The following SPAG16 variants were observed in gnomAD, a reference collection of about 807,000 sequenced individuals.
SPAG16 encodes sperm associated antigen 16, also known as sperm-associated antigen 16 protein.
In SPAG16, 86 loss-of-function variants were observed where a neutral mutation model predicts 80.4. The ratio of observed to expected loss-of-function variants is 1.07; its 90% CI spans 0.90 to 1.28. The LOEUF (loss-of-function observed/expected upper bound fraction) is 1.28. Ranked by LOEUF, SPAG16 falls within the 50% of genes most tolerant of loss-of-function variation. The pLI, the probability that SPAG16 is intolerant of heterozygous loss-of-function variation, is 0.00. For synonymous variants in SPAG16, 294 were observed against 265.9 expected, an observed-to-expected ratio of 1.11 and a Z score of -1.03; for missense variants, 870 against 765.3, an observed-to-expected ratio of 1.14 and a Z score of -1.61.
At chr2:214,215,282 C>A (rs1388366505) in intron 15 of SPAG16, among the ~76,000 whole-genome samples, 2 of 152,042 alleles carry the variant, frequency 1.3e-5, no homozygotes, top group African/African-American at 4.8e-5. Context: ...GTTAACCAAC[C>A]TTCCTCAAGA....
chr2:214,085,388 AAAAAAGAAAG>A (rs1450837256), intron 13 of SPAG16, among the ~76,000 whole-genome samples: 1 of 151,264 alleles, frequency 6.6e-6, no homozygotes, highest in Non-Finnish European at 1.5e-5. Flanking sequence ...CAAAAAAAAA[AAAAAAGAAAG>A]AAAGAAAGAA....
At chr2:214,296,291 C>T (rs1030887563) in intron 15 of SPAG16, among the ~76,000 whole-genome samples, 1 of 152,086 alleles carries the variant, frequency 6.6e-6, no homozygotes, top group African/African-American at 2.4e-5. Context: ...TCCTATCATC[C>T]ATTGATGTGC....
At chr2:214,184,312 G>A (rs1224954623) in intron 15 of SPAG16, among the ~76,000 whole-genome samples, 1 of 151,976 alleles carries the variant, frequency 6.6e-6, no homozygotes, top group Non-Finnish European at 1.5e-5. Context: ...TCATATAAAT[G>A]TAAAGTTAGT....
At chr2:213,404,891 T>G (rs919440490) in intron 9 of SPAG16, among the ~76,000 whole-genome samples, 1 of 152,206 alleles carries the variant, frequency 6.6e-6, no homozygotes. Context: ...CTTATTTGTG[T>G]GTATACTTTT....
chr2:214,111,886 A>C (rs2053683136), intron 14 of SPAG16, among the ~76,000 whole-genome samples: 1 of 152,056 alleles, frequency 6.6e-6, no homozygotes, highest in Admixed American at 6.6e-5. Context: ...TTTTATAACT[A>C]TTGTGAATGG....
At chr2:213,439,137 C>G (rs935291345) in intron 9 of SPAG16, among the ~76,000 whole-genome samples, 2 of 152,212 alleles carry the variant, frequency 1.3e-5, no homozygotes, top group African/African-American at 4.8e-5. Flanking sequence ...AATTCCTACT[C>G]ACACTCCTGA....
intron 11 of SPAG16, among the ~76,000 whole-genome samples, chr2:213,893,160 A>G (rs1246318403): frequency 2.0e-5 from 3 of 152,198 alleles, no homozygotes; most frequent in Admixed American, 2.0e-4. Flanking sequence ...TGACATTTCT[A>G]CTAAAGTGCT....
intron 12 of SPAG16, among the ~76,000 whole-genome samples, chr2:213,953,037 C>T (rs1290124994): frequency 6.6e-6 from 1 of 151,936 alleles, no homozygotes; most frequent in Non-Finnish European, 1.5e-5. Flanking sequence ...CATATAATTG[C>T]TTTCTACTAG....
chr2:213,582,142 A>G (rs1252853056), intron 10 of SPAG16, among the ~76,000 whole-genome samples: 2 of 152,100 alleles, frequency 1.3e-5, no homozygotes, highest in Non-Finnish European at 2.9e-5. Context: ...TTGGAGAGTA[A>G]AAGGAGAGAA....
intron 13 of SPAG16, among the ~76,000 whole-genome samples, chr2:214,056,912 C>G (rs1311673386): frequency 6.6e-6 from 1 of 152,098 alleles, no homozygotes; most frequent in Admixed American, 6.6e-5. Flanking sequence ...CTCCAGAGAC[C>G]ACTTTCTTTG....
intron 10 of SPAG16, among the ~76,000 whole-genome samples, chr2:213,518,825 T>A (rs1157350496): frequency 1.3e-5 from 2 of 152,242 alleles, no homozygotes; most frequent in Non-Finnish European, 2.9e-5. Flanking sequence ...TAGACATAGG[T>A]GGCTATCCAT....
intron 10 of SPAG16, among the ~76,000 whole-genome samples, chr2:213,522,343 T>C (rs1575826939): frequency 6.6e-6 from 1 of 152,232 alleles, no homozygotes; most frequent in East Asian, 1.9e-4. Context: ...AAATTGTTCA[T>C]GTAGACAGGA....
chr2:214,376,656 G>A (rs1044283992), intron 15 of SPAG16, among the ~76,000 whole-genome samples: 2 of 152,102 alleles, frequency 1.3e-5, no homozygotes, highest in African/African-American at 4.8e-5. Context: ...AGCATTTAGG[G>A]TGAGGGTTCT....
intron 12 of SPAG16, among the ~76,000 whole-genome samples, chr2:213,984,793 C>T (rs755597292): frequency 2.2e-4 from 34 of 152,100 alleles, no homozygotes; most frequent in Non-Finnish European, 4.3e-4. Flanking sequence ...ATCCCTCTCT[C>T]TAGTGCTGAC....
chr2:213,832,825 T>A (rs2125721913), intron 10 of SPAG16, among the ~76,000 whole-genome samples: 1 of 152,252 alleles, frequency 6.6e-6, no homozygotes. Flanking sequence ...TATGTAAATC[T>A]TCGATTAAAT....
At chr2:213,810,922 T>A (rs1018715587) in intron 10 of SPAG16, among the ~76,000 whole-genome samples, 1 of 152,184 alleles carries the variant, frequency 6.6e-6, no homozygotes, top group Admixed American at 6.5e-5. Flanking sequence ...GAACAGTGAA[T>A]AGGCTCCTGG....
At chr2:213,567,389 G>A (rs1194069884) in intron 10 of SPAG16, among the ~76,000 whole-genome samples, 10 of 81,908 alleles carry the variant, frequency 1.2e-4, no homozygotes, top group East Asian at 1.1e-3. Flanking sequence ...CCCCTCCCCC[G>A]ACCCCACCAC....
chr2:213,983,865 A>G (rs1294774812), intron 12 of SPAG16, among the ~76,000 whole-genome samples: 2 of 152,050 alleles, frequency 1.3e-5, no homozygotes, highest in Non-Finnish European at 2.9e-5. Flanking sequence ...TTAGATTCCT[A>G]AGCATAGGGC....
intron 14 of SPAG16, among the ~76,000 whole-genome samples, chr2:214,113,300 G>A (rs997247994): frequency 2.6e-5 from 4 of 151,950 alleles, no homozygotes; most frequent in African/African-American, 7.3e-5. Flanking sequence ...TGTGTCTTGG[G>A]GTTGCTCTTC....
Sources: allele counts gnomAD v4.1 joint callset (sites outside exome capture counted in the v4.1 genomes callset), GRCh38; gene constraint gnomAD v4.1.1; transcripts MANE v1.5; gene names NCBI Gene and HGNC (gene_info 2026-07-23, HGNC 2026-07-21).